Variants in RMDN3 observed in about 807,000 individuals in gnomAD.
RMDN3 encodes the protein regulator of microtubule dynamics protein 3.
RMDN3 carries 41 observed loss-of-function variants against 61.8 expected under a neutral mutation model. The observed-to-expected ratio is 0.66, with a 90% CI of 0.52 to 0.86. RMDN3 has a LOEUF of 0.86. Ranked by LOEUF, RMDN3 falls within the 40% of genes least tolerant of loss-of-function variation. RMDN3 has a pLI of 0.00. For synonymous variants in RMDN3, 247 were observed against 232.0 expected, an observed-to-expected ratio of 1.06 and a Z score of -0.59; for missense variants, 557 against 585.3, an observed-to-expected ratio of 0.95 and a Z score of 0.50.
In RMDN3 at chr15:40,752,111, T is replaced by A. The variant is rs1232323865; in HGVS notation, c.255A>T (p.Glu85Asp). The change falls in exon 3 of 13, where the codon GAA becomes GAT. Residue 85 changes from glutamate to aspartate, a missense_variant. Glu to Asp is a conservative substitution (Grantham distance 45, BLOSUM62 2). Coordinates refer to ENST00000338376, the MANE Select transcript of RMDN3 (RefSeq NM_018145.3). ...DASVLPSLPR[E>D]GQEKVLDRLD... ...GGCGGTCCAGCACCTTCTCCTGTCC[T>A]TCCCGTGGAAGGCTGGGCAGCACTG... 1.2e-6 allele frequency: 2 copies of A among 1,614,056 alleles called. No individual in the cohort carries two copies. The highest frequency in any genetic ancestry group is 1.7e-6 in the Non-Finnish European group (2 of 1,180,034).
intron 12 of RMDN3, 46 bp from the exon 13 acceptor site, chr15:40,736,640 A>G: frequency 6.4e-7 from 1 of 1,572,794 alleles, no homozygotes; most frequent in Non-Finnish European, 8.7e-7. Flanking sequence ...TTAAACCAGC[A>G]TTTTCCCAAA....
intron 12 of RMDN3, 58 bp from the exon 13 acceptor site, chr15:40,736,652 C>T (rs373551332): frequency 1.7e-5 from 25 of 1,499,376 alleles, no homozygotes; most frequent in Non-Finnish European, 2.2e-5. Flanking sequence ...TTTCCCAAAC[C>T]AGTGGAACCT....
intron 1 of RMDN3, 79 bp from the exon 2 acceptor site, chr15:40,754,869 C>A (rs1178813921): frequency 1.6e-6 from 2 of 1,261,370 alleles, no homozygotes; most frequent in Non-Finnish European, 2.2e-6. Flanking sequence ...TTCGTGAACC[C>A]GGTAAACCCA....
At position 40,736,496 on chromosome 15, in the gene RMDN3, C is replaced by G. The variant is rs372357790; in HGVS notation, c.*45G>C. 40 of 1,585,344 alleles carry G rather than the reference C, an allele frequency of 2.5e-5. No homozygotes were observed. The highest frequency in any genetic ancestry group is 1.6e-4 in the South Asian group (14 of 90,300). ...AAGGAAAAAAGCCTCCCCGCCCCCC[C>G]ACCTTAAATAGTGGCATCAAGTCAT... is the stretch of plus-strand genomic sequence containing the variant. On this transcript the variant is annotated 3_prime_UTR_variant, in exon 13 of 13. Transcript: ENST00000338376.
chr15:40,752,378 C>T (rs1596058081), intron 2 of RMDN3, among the ~76,000 whole-genome samples, 200 bp from the exon 3 acceptor site: 1 of 152,136 alleles, frequency 6.6e-6, no homozygotes, highest in African/African-American at 2.4e-5. Context: ...CCCTCTGCTC[C>T]AAGAACCTTC....
chr15:40,747,414 T>C (rs539770538), intron 4 of RMDN3, among the ~76,000 whole-genome samples: 8 of 152,346 alleles, frequency 5.3e-5, no homozygotes, highest in African/African-American at 1.9e-4. Context: ...GAAGCTGGCA[T>C]AGAAAGTAGA....
Position 40,736,311 on chromosome 15 carries a change from A to C in RMDN3, c.*230T>G. On this transcript the variant is annotated 3_prime_UTR_variant, in exon 13 of 13. Transcript: ENST00000338376. ...GTGTGAATCTTGATTTTTTTAAGAG[A>C]TTACTCAAGGGAGAGAACAACAGAA... is the stretch of plus-strand genomic sequence containing the variant. The C allele has an allele frequency of 2.1e-6, 1 of 465,454 alleles. No individual in the cohort carries two copies. The highest frequency in any genetic ancestry group is 3.4e-5 in the East Asian group (1 of 29,302). The allele number at this position is 465,454 out of a possible 1,614,324, so 28.8% of individuals were successfully genotyped here. A position where few individuals can be genotyped will look rare whatever the true frequency, so the allele number is the denominator to read the frequency against.
In RMDN3 at chr15:40,754,672, T is replaced by C. The variant is rs762975645; in HGVS notation, c.112A>G (p.Thr38Ala). 6.2e-7 allele frequency: 1 copy of C among 1,614,004 alleles called. No individual in the cohort carries two copies. The highest frequency in any genetic ancestry group is 8.5e-7 in the Non-Finnish European group (1 of 1,179,978). Residue 38 changes from threonine (T) to alanine (A), a missense_variant, in exon 2 of 13, where the codon ACC becomes GCC. Coordinates refer to ENST00000338376, the MANE Select transcript of RMDN3 (RefSeq NM_018145.3). ...CLLYSQRWKRTQRHGRSQSLP... is the reference protein window; with the variant it reads ...CLLYSQRWKRAQRHGRSQSLP... The stretch of plus-strand genomic sequence containing the variant: ...CTCTGGCTGCGGCCATGACGCTGGG[T>C]CCGTTTCCATCGCTGGCTGTAAAGG...
intron 4 of RMDN3, among the ~76,000 whole-genome samples, chr15:40,750,005 C>A (rs543936843): frequency 6.6e-6 from 1 of 152,232 alleles, no homozygotes; most frequent in South Asian, 2.1e-4. Flanking sequence ...CCACGGACTG[C>A]GCATATCAGT....
At chr15:40,751,912 C>G in intron 3 of RMDN3, 74 bp downstream of exon 3, 1 of 1,476,166 alleles carries the variant, frequency 6.8e-7, no homozygotes, top group Non-Finnish European at 9.3e-7. Flanking sequence ...AGACAGACAG[C>G]GAAGGCCAGA....
chr15:40,745,665 A>G (rs1363521767), intron 4 of RMDN3, among the ~76,000 whole-genome samples: 2 of 152,052 alleles, frequency 1.3e-5, no homozygotes, highest in Non-Finnish European at 2.9e-5. Context: ...CATGCCCAGC[A>G]GAAATCATTA....
chr15:40,750,210 GTTT>G (rs10586666), intron 4 of RMDN3, among the ~76,000 whole-genome samples: 942 of 89,690 alleles, frequency 0.011, 9 homozygotes, highest in African/African-American at 0.029. Context: ...TGCCCAGCTC[GTTT>G]TTTTTTTTTT....
intron 8 of RMDN3, among the ~76,000 whole-genome samples, 193 bp downstream of exon 8, chr15:40,738,308 A>T (rs900176984): frequency 2.8e-4 from 42 of 152,110 alleles, no homozygotes; most frequent in African/African-American, 9.9e-4. Flanking sequence ...GAATCGCTTG[A>T]ACCCAGGAGG....
At position 40,736,520 on chromosome 15, in the gene RMDN3, A is replaced by G. The variant is rs1228231828; in HGVS notation, c.*21T>C. The G allele has an allele frequency of 3.7e-6, 6 of 1,612,482 alleles. No individual in the cohort carries two copies. Among genetic ancestry groups the G allele is most frequent in the Non-Finnish European group, 5.1e-6 (6 of 1,178,554 alleles). On this transcript the variant is annotated 3_prime_UTR_variant, in exon 13 of 13. Transcript: ENST00000338376. ...CCACCTTAAATAGTGGCATCAAGTC[A>G]TGAAGGCCAGTGAAACGTGGTTAGT...
chr15:40,740,271 T>A (rs1198989490), intron 6 of RMDN3, 78 bp from the exon 7 acceptor site: 1 of 957,814 alleles, frequency 1.0e-6, no homozygotes, highest in Non-Finnish European at 1.7e-6. Flanking sequence ...GAAGAATGAC[T>A]GCTTTAGCTC....
At chr15:40,749,350 C>CA (rs1241677937) in intron 4 of RMDN3, among the ~76,000 whole-genome samples, 12 of 151,840 alleles carry the variant, frequency 7.9e-5, no homozygotes, top group African/African-American at 1.9e-4. Flanking sequence ...CCCATCTGTA[C>CA]AAAAAAAATA....
chr15:40,736,939 C>T (rs1897075368), intron 12 of RMDN3, among the ~76,000 whole-genome samples, 185 bp downstream of exon 12: 1 of 152,174 alleles, frequency 6.6e-6, no homozygotes, highest in South Asian at 2.1e-4. Context: ...CTGCAACCTC[C>T]ACCTCCCGGA....
rs189557386 is a variant in RMDN3, at chr15:40,746,107, G to C, written c.525-848C>G. On this transcript the variant is annotated intron_variant, in intron 4 of 12. Coordinates refer to ENST00000338376, the MANE Select transcript of RMDN3 (RefSeq NM_018145.3). ...CCAACCCTGATGCACCCACTAAAGA[G>C]GAAGCTGAGTTTCTCTTGGATCTCA... is the stretch of plus-strand genomic sequence containing the variant. Among the ~76,000 whole-genome samples, 171 of 152,310 alleles carry C rather than the reference G, an allele frequency of 1.1e-3. 1 individual carries two copies. The highest frequency in any genetic ancestry group is 3.9e-3 in the African/African-American group (163 of 41,576).
intron 4 of RMDN3, among the ~76,000 whole-genome samples, chr15:40,750,890 G>C (rs960375791): frequency 1.3e-5 from 2 of 152,188 alleles, no homozygotes; most frequent in African/African-American, 4.8e-5. Flanking sequence ...AACACCCTTA[G>C]CATGACCAGA....
Sources: gnomAD v4.1 joint callset for allele counts (sites outside exome capture counted in the v4.1 genomes callset) on GRCh38, gnomAD v4.1.1 for gene constraint, MANE v1.5 for transcripts, NCBI Gene and HGNC (gene_info 2026-07-23, HGNC 2026-07-21) for gene names.